The following ZNF624 variants were observed in gnomAD, a reference collection of about 807,000 sequenced individuals.
ZNF624 encodes the protein zinc finger protein 624.
ZNF624 carries 43 observed loss-of-function variants against 74.7 expected under a neutral mutation model. The ratio of observed to expected loss-of-function variants is 0.58; its 90% CI spans 0.45 to 0.74. The LOEUF (loss-of-function observed/expected upper bound fraction) is 0.74, where lower values mean the gene tolerates loss of function less well. Among genes scored for constraint, ZNF624 ranks in the 30% least tolerant of loss-of-function variants. The pLI is 0.00. For missense variants in ZNF624, 820 were observed against 1,030.0 expected (o/e 0.80, Z 2.79); for synonymous variants, 331 against 341.3 (o/e 0.97, Z 0.33).
At chr17:16,615,029 G>A in the ZNF624 span, among the ~76,000 whole-genome samples, 1 of 152,290 alleles carries the variant, frequency 6.6e-6, no homozygotes. Flanking sequence ...AAAATAGGAT[G>A]GTGGTTTCCA....
intron 5 of ZNF624, among the ~76,000 whole-genome samples, chr17:16,630,664 T>C (rs7217544): frequency 0.23 from 35,393 of 151,888 alleles, 4,607 homozygotes; most frequent in East Asian, 0.35. Context: ...ACTATACAAA[T>C]AACAACCAAA....
intron 3 of ZNF624, among the ~76,000 whole-genome samples, chr17:16,637,804 T>C (rs1909369718): frequency 6.6e-6 from 1 of 152,162 alleles, no homozygotes; most frequent in African/African-American, 2.4e-5. Context: ...GACATAGGCA[T>C]GGGCAAGGAC....
In ZNF624 at chr17:16,622,893, C is replaced by G; in HGVS notation, c.1993G>C (p.Glu665Gln). 1 of 1,613,980 alleles carries G rather than the reference C, an allele frequency of 6.2e-7. No homozygotes were observed. The highest frequency in any genetic ancestry group is 8.5e-7 in the Non-Finnish European group (1 of 1,179,938). The change falls in exon 6 of 6, where the codon GAA becomes CAA. Residue 665 changes from glutamate (E) to glutamine (Q), a missense_variant. Glu to Gln is a conservative substitution (Grantham distance 29). Coordinates refer to ENST00000311331, the MANE Select transcript of ZNF624 (RefSeq NM_020787.4). Reference protein sequence around the residue: ...LIVHQRTHTGEKPYKCNECEK... With the variant: ...LIVHQRTHTGQKPYKCNECEK... ...CATTCATTACATTTATATGGTTTTT[C>G]TCCAGTATGGGTCCTCTGATGTACA...
downstream of ZNF624, among the ~76,000 whole-genome samples, chr17:16,616,458 T>C (rs892524333): frequency 1.3e-5 from 2 of 152,186 alleles, no homozygotes; most frequent in Non-Finnish European, 2.9e-5. Flanking sequence ...TCTAAAGCCT[T>C]AAGCATTCAA....
In ZNF624 at chr17:16,623,726, G is replaced by C. The variant is rs1375655655; in HGVS notation, c.1160C>G (p.Pro387Arg). The change falls in exon 6 of 6, where the codon CCC (proline) becomes CGC (arginine). Residue 387 changes from proline to arginine, a missense_variant. Coordinates refer to ENST00000311331, the MANE Select transcript of ZNF624 (RefSeq NM_020787.4). This position sits in a 1 kb window ranked among gnomAD's most constrained non-coding sequence, Gnocchi z 5.3. ...QHQRIQTGEK[P>R]YKCSECGKAF... ...TTTCCCGCATTCACTACATTTATAG[G>C]GTTTCTCTCCAGTTTGAATTCTCTG... The C allele has an allele frequency of 6.2e-7, 1 of 1,613,524 alleles. No homozygotes were observed. Among genetic ancestry groups the C allele is most frequent in the Admixed American group, 1.7e-5 (1 of 59,898 alleles).
intron 2 of ZNF624, among the ~76,000 whole-genome samples, chr17:16,648,230 C>T (rs1909640013): frequency 2.0e-5 from 3 of 151,778 alleles, no homozygotes; most frequent in African/African-American, 7.3e-5. Flanking sequence ...AGGCATGAGC[C>T]ACTGCGCCCA....
At chr17:16,627,513 C>A (rs1380363573) in intron 5 of ZNF624, among the ~76,000 whole-genome samples, 1 of 152,170 alleles carries the variant, frequency 6.6e-6, no homozygotes, top group African/African-American at 2.4e-5. Flanking sequence ...TAACAAATTA[C>A]AAGGAGAAGA....
intron 3 of ZNF624, 67 bp from the exon 4 acceptor site, chr17:16,634,823 A>T: frequency 6.7e-7 from 1 of 1,492,266 alleles, no homozygotes; most frequent in Admixed American, 2.1e-5. Context: ...AATTATACAT[A>T]AAAAACTGGG....
intron 5 of ZNF624, among the ~76,000 whole-genome samples, chr17:16,627,703 G>C (rs1167497408): frequency 1.3e-5 from 2 of 152,148 alleles, no homozygotes; most frequent in Non-Finnish European, 2.9e-5. Flanking sequence ...GAACAACTAG[G>C]GTTTGGCTGG....
At chr17:16,638,420 T>A (rs1909386079) in intron 3 of ZNF624, among the ~76,000 whole-genome samples, 1 of 152,142 alleles carries the variant, frequency 6.6e-6, no homozygotes, top group Non-Finnish European at 1.5e-5. Flanking sequence ...CACACGTATG[T>A]TTACTGCGGC....
chr17:16,640,521 T>C (rs902851170), intron 3 of ZNF624, among the ~76,000 whole-genome samples: 1 of 151,158 alleles, frequency 6.6e-6, no homozygotes, highest in African/African-American at 2.4e-5. Flanking sequence ...CTAGAGTGAC[T>C]AAGAAAAAAA....
In ZNF624 at chr17:16,649,645, A is replaced by C; in HGVS notation, c.87+13T>G. 6.2e-7 allele frequency: 1 copy of C among 1,612,724 alleles called. No homozygotes were observed. The highest frequency in any genetic ancestry group is 8.5e-7 in the Non-Finnish European group (1 of 1,178,748). On this transcript the variant is annotated intron_variant, in intron 2 of 5. Coordinates refer to ENST00000311331, the MANE Select transcript of ZNF624 (RefSeq NM_020787.4). ...CCAAGATAGTAGGTCAAAAACAGGG[A>C]ATCCCAACTTACCAGGCGTCCAACT... is the stretch of plus-strand genomic sequence containing the variant.
chr17:16,617,688 A>G (rs3813763), downstream of ZNF624: 3,309 of 1,605,220 alleles, frequency 2.1e-3, 131 homozygotes, highest in East Asian at 0.057. Context: ...CTCTACGATC[A>G]CGCGCTCGCC....
Position 16,623,722 on chromosome 17 carries a change from A to G in ZNF624, c.1164T>C (p.Tyr388=), listed in dbSNP as rs752037446. The change falls in exon 6 of 6, where the codon TAT becomes TAC. Residue 388 remains tyrosine (Y), a synonymous_variant. Transcript: ENST00000311331. The surrounding 1 kb of genome is among the most constrained non-coding windows in gnomAD (Gnocchi z 5.3). ...HQRIQTGEKP[Y]KCSECGKAFS... Reference sequence around the variant, plus strand: ...AAGCTTTCCCGCATTCACTACATTTATAGGGTTTCTCTCCAGTTTGAATTC... The same window carrying G: ...AAGCTTTCCCGCATTCACTACATTTGTAGGGTTTCTCTCCAGTTTGAATTC... 2 of 1,613,418 alleles carry G rather than the reference A, an allele frequency of 1.2e-6. No homozygotes were observed. The highest frequency in any genetic ancestry group is 2.7e-5 in the African/African-American group (2 of 74,888).
chr17:16,624,853 C>CAA (rs59170659), intron 5 of ZNF624: 1,953 of 43,920 alleles, frequency 0.044, 255 homozygotes, highest in Non-Finnish European at 0.051. Flanking sequence ...CCTGTCTCTA[C>CAA]AAAAAAAAAA....
chr17:16,645,591 G>A (rs1170579293), intron 3 of ZNF624, among the ~76,000 whole-genome samples: 1 of 141,490 alleles, frequency 7.1e-6, no homozygotes, highest in African/African-American at 2.7e-5. Context: ...TAAAATAAAA[G>A]ACATTTAGCA....
At chr17:16,620,355 C>T, downstream of ZNF624, among the ~76,000 whole-genome samples, 1 of 152,184 alleles carries the variant, frequency 6.6e-6, no homozygotes, top group South Asian at 2.1e-4. Flanking sequence ...CTCTACACTT[C>T]ATCATGCAAA....
chr17:16,645,704 C>T (rs902223235), intron 3 of ZNF624, among the ~76,000 whole-genome samples: 1 of 150,280 alleles, frequency 6.7e-6, no homozygotes, highest in Non-Finnish European at 1.5e-5. Flanking sequence ...GTAATCCCAG[C>T]ATTTTGGGAG....
At chr17:16,629,097 C>T (rs1476958805) in intron 5 of ZNF624, among the ~76,000 whole-genome samples, 1 of 148,084 alleles carries the variant, frequency 6.8e-6, no homozygotes, top group African/African-American at 2.5e-5. Flanking sequence ...ACTCAGGAGG[C>T]TGAGGCAGGA....
Sources: gnomAD v4.1 joint callset for allele counts (sites outside exome capture counted in the v4.1 genomes callset) on GRCh38, gnomAD v4.1.1 for gene constraint, Gnocchi (gnomAD v3.1) non-coding constraint, MANE v1.5 for transcripts, NCBI Gene and HGNC (gene_info 2026-07-23, HGNC 2026-07-21) for gene names.